The following MCC variants were observed in gnomAD, a reference collection of about 807,000 sequenced individuals.
MCC encodes colorectal mutant cancer protein.
MCC carries 90 observed loss-of-function variants against 116.2 expected under a neutral mutation model. That is an observed-to-expected ratio of 0.77 (90% confidence interval 0.65 to 0.92). MCC has a LOEUF of 0.92. Among genes scored for constraint, MCC ranks in the 40% least tolerant of loss-of-function variants. The pLI, the probability that MCC is intolerant of heterozygous loss-of-function variation, is 0.00. For synonymous variants in MCC, 578 were observed against 510.5 expected (o/e 1.13, Z -1.78); for missense variants, 1,516 against 1,312.2 (o/e 1.16, Z -2.40).
At chr5:113,052,563 G>C (rs1055451168) in intron 15 of MCC, among the ~76,000 whole-genome samples, 2 of 152,220 alleles carry the variant, frequency 1.3e-5, no homozygotes, top group Non-Finnish European at 2.9e-5. Flanking sequence ...CCCAAGGACA[G>C]GGCTGTGCTG....
At chr5:113,401,087 C>T (rs995461693) in intron 1 of MCC, among the ~76,000 whole-genome samples, 10 of 152,096 alleles carry the variant, frequency 6.6e-5, no homozygotes, top group Admixed American at 3.9e-4. Context: ...GGGAAATGAA[C>T]CACTTTTTAA....
chr5:113,328,280 G>A (rs1038759286), intron 3 of MCC, among the ~76,000 whole-genome samples: 6 of 152,186 alleles, frequency 3.9e-5, no homozygotes, highest in Admixed American at 1.3e-4. Context: ...CTTAGCAAAC[G>A]TGACCAGTTA....
chr5:113,294,403 T>C (rs367968962), intron 3 of MCC: 11 of 1,613,042 alleles, frequency 6.8e-6, no homozygotes, highest in African/African-American at 2.7e-5. Flanking sequence ...TTTTCAGAGC[T>C]GGGCTCTCAG....
rs775738981 is a variant in MCC at position 113,193,909 on chromosome 5, A to C, written c.628-42487T>G. ...TTAACTGAAGCACAATTTGGGTAAT[A>C]GTTGTTATTTTTCTATGAAAGTGTA... On this transcript the variant is annotated intron_variant, in intron 3 of 18. Coordinates refer to ENST00000408903, the MANE Select transcript of MCC (RefSeq NM_001085377.2). Among the ~76,000 whole-genome samples the C allele has an allele frequency of 2.0e-5, 3 of 152,112 alleles. No homozygotes were observed. In the South Asian group the frequency reaches 6.2e-4, roughly 32 times the overall value.
At chr5:113,123,470 T>A (rs1006887765) in intron 5 of MCC, among the ~76,000 whole-genome samples, 5 of 152,238 alleles carry the variant, frequency 3.3e-5, no homozygotes, top group African/African-American at 1.2e-4. Context: ...CACCATTCAA[T>A]GGTCTATTTC....
intron 3 of MCC, among the ~76,000 whole-genome samples, chr5:113,303,033 A>G (rs1766900957): frequency 6.6e-6 from 1 of 152,242 alleles, no homozygotes; most frequent in Non-Finnish European, 1.5e-5. Context: ...AGAGAAAGAT[A>G]GGAATCAAGG....
chr5:113,378,820 G>T (rs1769043743), intron 2 of MCC, among the ~76,000 whole-genome samples: 1 of 152,202 alleles, frequency 6.6e-6, no homozygotes, highest in African/African-American at 2.4e-5. Flanking sequence ...TTATTCAAAA[G>T]GGCATGTTTA....
intron 3 of MCC, among the ~76,000 whole-genome samples, chr5:113,301,366 G>A (rs978414413): frequency 2.6e-5 from 4 of 152,130 alleles, no homozygotes; most frequent in African/African-American, 9.7e-5. Flanking sequence ...TTGGGAGGCT[G>A]AGGGAGGAGA....
At chr5:113,407,045 A>T (rs767208180) in intron 1 of MCC, among the ~76,000 whole-genome samples, 2 of 152,228 alleles carry the variant, frequency 1.3e-5, no homozygotes, top group African/African-American at 4.8e-5. Flanking sequence ...CAACATAAGA[A>T]GTGCTTATAA....
intron 6 of MCC, among the ~76,000 whole-genome samples, chr5:113,116,117 C>G (rs557775764): frequency 1.2e-3 from 178 of 152,282 alleles, no homozygotes; most frequent in Non-Finnish European, 1.6e-3. Context: ...TCCAGATCCC[C>G]TTTAGATAGG....
intron 5 of MCC, among the ~76,000 whole-genome samples, chr5:113,133,303 TC>T (rs1376317713): frequency 2.6e-5 from 4 of 152,112 alleles, no homozygotes; most frequent in Non-Finnish European, 5.9e-5. Flanking sequence ...TCCCTACCCT[TC>T]CCAGCCTCTA....
chr5:113,119,817 T>C (rs1216711075), intron 6 of MCC, among the ~76,000 whole-genome samples: 1 of 152,168 alleles, frequency 6.6e-6, no homozygotes, highest in East Asian at 1.9e-4. Flanking sequence ...CCAGTTATAA[T>C]TAACCCATGT....
intron 5 of MCC, among the ~76,000 whole-genome samples, chr5:113,138,315 C>T (rs1758963235): frequency 6.6e-6 from 1 of 152,160 alleles, no homozygotes; most frequent in African/African-American, 2.4e-5. Context: ...CTGGCCCACG[C>T]CAAAATTCTT....
chr5:113,199,423 G>T (rs1189275885), intron 3 of MCC, among the ~76,000 whole-genome samples: 1 of 152,160 alleles, frequency 6.6e-6, no homozygotes, highest in Non-Finnish European at 1.5e-5. Context: ...AAGGGGTCCT[G>T]AACCTGGAGT....
chr5:113,420,266 A>G (rs1462043877), intron 1 of MCC, among the ~76,000 whole-genome samples: 1 of 143,322 alleles, frequency 7.0e-6, no homozygotes, highest in Admixed American at 6.8e-5. Context: ...AGAAGAAAAA[A>G]AGCAAGTGCA....
chr5:113,221,101 G>T (rs1763536026), intron 3 of MCC, among the ~76,000 whole-genome samples: 1 of 152,236 alleles, frequency 6.6e-6, no homozygotes, highest in Non-Finnish European at 1.5e-5. Flanking sequence ...CTACTCAGGA[G>T]ACTGAGGTGG....
chr5:113,289,614 G>C (rs1239632813), intron 3 of MCC, among the ~76,000 whole-genome samples: 1 of 152,122 alleles, frequency 6.6e-6, no homozygotes, highest in Non-Finnish European at 1.5e-5. Flanking sequence ...CTGCCATGCT[G>C]AGAGGAAGCC....
intron 1 of MCC, among the ~76,000 whole-genome samples, chr5:113,479,476 A>G (rs571370427): frequency 1.3e-5 from 2 of 152,268 alleles, no homozygotes; most frequent in South Asian, 4.2e-4. Flanking sequence ...AAATCAGAGA[A>G]TACTGCATAT....
At chr5:113,351,251 C>T (rs1768261128) in intron 2 of MCC, among the ~76,000 whole-genome samples, 2 of 152,124 alleles carry the variant, frequency 1.3e-5, no homozygotes, top group African/African-American at 4.8e-5. Context: ...TTCATTGCAG[C>T]ACTATTCACA....
Sources: allele counts gnomAD v4.1 joint callset (sites outside exome capture counted in the v4.1 genomes callset), GRCh38; gene constraint gnomAD v4.1.1; transcripts MANE v1.5; gene names NCBI Gene and HGNC (gene_info 2026-07-23, HGNC 2026-07-21).